ARHGAP10: variants seen among roughly 807,000 people sequenced by gnomAD.
ARHGAP10 encodes the protein rho GTPase-activating protein 10.
A neutral mutation model predicts 108.6 loss-of-function variants in ARHGAP10; 87 were observed. That is an observed-to-expected ratio of 0.80 (90% confidence interval 0.67 to 0.96). The LOEUF is 0.96. Ranked by LOEUF, ARHGAP10 falls within the 40% of genes least tolerant of loss-of-function variation. The pLI, the probability that ARHGAP10 is intolerant of heterozygous loss-of-function variation, is 0.00. For synonymous variants in ARHGAP10, 347 were observed against 341.1 expected (o/e 1.02, Z -0.19); for missense variants, 939 against 954.5 (o/e 0.98, Z 0.21).
chr4:147,933,635 G>T (rs1674463728), intron 13 of ARHGAP10, among the ~76,000 whole-genome samples: 1 of 152,210 alleles, frequency 6.6e-6, no homozygotes, highest in Non-Finnish European at 1.5e-5. Flanking sequence ...TTCTGCCCCA[G>T]ATGGACCTGG....
chr4:147,796,115 G>A (rs1258364086), intron 1 of ARHGAP10, among the ~76,000 whole-genome samples: 3 of 152,110 alleles, frequency 2.0e-5, no homozygotes, highest in Non-Finnish European at 4.4e-5. Context: ...CCCCCTTCTT[G>A]TAGTAGAGGA....
intron 10 of ARHGAP10, among the ~76,000 whole-genome samples, chr4:147,903,045 C>T (rs1168466117): frequency 1.3e-5 from 2 of 152,156 alleles, no homozygotes; most frequent in Admixed American, 1.3e-4. Flanking sequence ...CACCAGGCCC[C>T]TTCTCCAACT....
At chr4:147,967,071 A>G (rs1261082196) in intron 18 of ARHGAP10, among the ~76,000 whole-genome samples, 1 of 152,242 alleles carries the variant, frequency 6.6e-6, no homozygotes. Flanking sequence ...ATGAAGAAGC[A>G]TTTAATCCAG....
At chr4:147,828,079 A>C (rs1732793812) in intron 3 of ARHGAP10, among the ~76,000 whole-genome samples, 1 of 152,226 alleles carries the variant, frequency 6.6e-6, no homozygotes, top group Non-Finnish European at 1.5e-5. Flanking sequence ...CTGGGATTAC[A>C]GGCATAAACC....
chr4:147,749,435 ATTG>A (rs1729054458), intron 1 of ARHGAP10, among the ~76,000 whole-genome samples: 1 of 152,260 alleles, frequency 6.6e-6, no homozygotes, highest in African/African-American at 2.4e-5. Flanking sequence ...GAAACAAAGC[ATTG>A]TTAAGAAAAA....
At chr4:147,982,917 C>G (rs1216992269) in intron 18 of ARHGAP10, among the ~76,000 whole-genome samples, 2 of 151,150 alleles carry the variant, frequency 1.3e-5, no homozygotes, top group Non-Finnish European at 3.0e-5. Flanking sequence ...GGGTCTTACT[C>G]TCGCCCAGGC....
chr4:147,845,676 A>G (rs1373634024), intron 3 of ARHGAP10, among the ~76,000 whole-genome samples: 1 of 152,180 alleles, frequency 6.6e-6, no homozygotes, highest in Non-Finnish European at 1.5e-5. Flanking sequence ...TTCACAGAAG[A>G]CATATTATAT....
intron 1 of ARHGAP10, among the ~76,000 whole-genome samples, chr4:147,784,734 ATATATTATAAATATATATTATAAAATG>A (rs1560756673): frequency 0.012 from 367 of 29,712 alleles, 38 homozygotes; most frequent in East Asian, 0.034. Context: ...ATTATAAAAT[ATATATTATAAATATATATTATAAAATG>A]TATATTATAA....
At chr4:147,951,365 G>T (rs1738591117) in intron 15 of ARHGAP10, among the ~76,000 whole-genome samples, 1 of 146,460 alleles carries the variant, frequency 6.8e-6, no homozygotes, top group African/African-American at 2.5e-5. Context: ...ACTTCTGATT[G>T]GCCCTTCTTT....
intron 15 of ARHGAP10, 78 bp downstream of exon 15, chr4:147,946,782 T>A: frequency 9.3e-7 from 1 of 1,080,558 alleles, no homozygotes. Flanking sequence ...ATTGTGTACA[T>A]AAATATCAAT....
intron 1 of ARHGAP10, among the ~76,000 whole-genome samples, chr4:147,778,171 T>C (rs1730380896): frequency 6.6e-6 from 1 of 152,190 alleles, no homozygotes; most frequent in Admixed American, 6.5e-5. Flanking sequence ...GATGGCATTT[T>C]TTCATGCCTG....
At chr4:147,757,304 C>T (rs1729418152) in intron 1 of ARHGAP10, among the ~76,000 whole-genome samples, 2 of 151,770 alleles carry the variant, frequency 1.3e-5, no homozygotes, top group African/African-American at 4.8e-5. Flanking sequence ...AAGCAATTCC[C>T]CTGCCTCAGC....
chr4:148,019,133 T>C (rs994850799), intron 18 of ARHGAP10, among the ~76,000 whole-genome samples: 1 of 152,250 alleles, frequency 6.6e-6, no homozygotes, highest in African/African-American at 2.4e-5. Flanking sequence ...TACTTTTCTT[T>C]AGCCTGTTAC....
chr4:148,050,365 CTTTTTTTT>C (rs11309245), intron 20 of ARHGAP10, among the ~76,000 whole-genome samples: 1 of 59,300 alleles, frequency 1.7e-5, no homozygotes, highest in African/African-American at 5.7e-5. Flanking sequence ...TCATCATCAT[CTTTTTTTT>C]TTTTTTTTTT....
chr4:147,736,201 A>C (rs1297559568), intron 1 of ARHGAP10, among the ~76,000 whole-genome samples: 1 of 151,982 alleles, frequency 6.6e-6, no homozygotes. Context: ...CTAAACATGC[A>C]TGGAAAAGGA....
intron 1 of ARHGAP10, among the ~76,000 whole-genome samples, chr4:147,744,768 A>C (rs546506471): frequency 6.6e-6 from 1 of 152,198 alleles, no homozygotes; most frequent in East Asian, 1.9e-4. Context: ...GTGGAGGGCA[A>C]GGTATTTCGT....
chr4:147,758,013 G>A (rs1327823362), intron 1 of ARHGAP10, among the ~76,000 whole-genome samples: 1 of 152,130 alleles, frequency 6.6e-6, no homozygotes, highest in Non-Finnish European at 1.5e-5. Context: ...TTTTATAAAC[G>A]TTACATTAGA....
chr4:148,060,344 A>ATTTTTT (rs1411745355), intron 20 of ARHGAP10, among the ~76,000 whole-genome samples: 1 of 120,844 alleles, frequency 8.3e-6, no homozygotes, highest in Admixed American at 8.6e-5. Flanking sequence ...GCTCATGTTT[A>ATTTTTT]GTTTTTTTTT....
chr4:147,780,269 G>T lies in ARHGAP10; in HGVS notation c.155-42458G>T, dbSNP rs141171029. On this transcript the variant is annotated intron_variant, in intron 1 of 22. Coordinates refer to ENST00000336498, the MANE Select transcript of ARHGAP10 (RefSeq NM_024605.4). ...GAGCTGGTCCCGTGTCTGGATCAGG[G>T]CCGAGGCTCAGCATGCCAGTGTGTG... is the stretch of plus-strand genomic sequence containing the variant. Among the ~76,000 whole-genome samples, 586 of 152,208 alleles carry T rather than the reference G, an allele frequency of 3.8e-3. 3 individuals carry two copies. Among genetic ancestry groups the T allele is most frequent in the African/African-American group, 0.012 (505 of 41,516 alleles).
Sources: gnomAD v4.1 joint callset for allele counts (sites outside exome capture counted in the v4.1 genomes callset) on GRCh38, gnomAD v4.1.1 for gene constraint, MANE v1.5 for transcripts, NCBI Gene and HGNC (gene_info 2026-07-23, HGNC 2026-07-21) for gene names.